The following XNDC1N variants were observed in gnomAD, a reference collection of about 807,000 sequenced individuals.
XNDC1N encodes the protein XRCC1 N-terminal domain containing 1, N-terminal like, also known as protein XNDC1N.
chr11:71,873,741 G>A, the XNDC1N span, among the ~76,000 whole-genome samples: 7 of 152,118 alleles, frequency 4.6e-5, no homozygotes, highest in Middle Eastern at 3.2e-3. Context: ...AAAAAATATC[G>A]GAGAAATATT....
the XNDC1N span, among the ~76,000 whole-genome samples, chr11:71,913,261 C>G: frequency 6.6e-6 from 1 of 151,976 alleles, no homozygotes; most frequent in Non-Finnish European, 1.5e-5. Flanking sequence ...AAACCCCCTG[C>G]GGTCCTGGGA....
At chr11:71,875,467 T>TA in the XNDC1N span, among the ~76,000 whole-genome samples, 4 of 152,252 alleles carry the variant, frequency 2.6e-5, no homozygotes, top group Non-Finnish European at 4.4e-5. Flanking sequence ...TGTCTACTCT[T>TA]ATACAGAGAA....
chr11:71,894,247 T>C, the XNDC1N span: 12 of 441,674 alleles, frequency 2.7e-5, no homozygotes, highest in African/African-American at 1.8e-4. Flanking sequence ...TGGCGTGTAC[T>C]TGACTTCAGC....
the XNDC1N span, among the ~76,000 whole-genome samples, chr11:71,895,485 T>A: frequency 6.9e-6 from 1 of 145,944 alleles, no homozygotes; most frequent in Non-Finnish European, 1.5e-5. Context: ...ATTTTTTTTT[T>A]TTTTTTTTTT....
the XNDC1N span, among the ~76,000 whole-genome samples, chr11:71,909,107 G>A: frequency 6.9e-6 from 1 of 145,428 alleles, no homozygotes; most frequent in Non-Finnish European, 1.5e-5. Context: ...ATCAGCACAT[G>A]ATTCACATGG....
chr11:71,903,652 T>TCC, the XNDC1N span: 4 of 64,266 alleles, frequency 6.2e-5, no homozygotes, highest in Admixed American at 5.9e-4. Flanking sequence ...TTTTTTTTCT[T>TCC]TTTTTTTTTT....
At chr11:71,905,528 G>T in the XNDC1N span, among the ~76,000 whole-genome samples, 1 of 151,974 alleles carries the variant, frequency 6.6e-6, no homozygotes, top group Non-Finnish European at 1.5e-5. Context: ...CACCCTCTGT[G>T]ATATTAGCAG....
At chr11:71,905,129 G>A in the XNDC1N span, among the ~76,000 whole-genome samples, 7 of 151,914 alleles carry the variant, frequency 4.6e-5, no homozygotes, top group African/African-American at 1.5e-4. Context: ...AATATCACAG[G>A]AGGTGTTCAC....
the XNDC1N span, among the ~76,000 whole-genome samples, chr11:71,885,262 G>A: frequency 1.3e-5 from 2 of 152,066 alleles, no homozygotes; most frequent in African/African-American, 2.4e-5. Context: ...ATCAGTGGGG[G>A]TGTGTCCACC....
chr11:71,908,900 AAG>A, the XNDC1N span, among the ~76,000 whole-genome samples: 3 of 152,158 alleles, frequency 2.0e-5, no homozygotes, highest in African/African-American at 7.2e-5. Flanking sequence ...ACCCACATGA[AAG>A]AGGGGATATG....
chr11:71,866,266 A>AG, the XNDC1N span, among the ~76,000 whole-genome samples: 28,344 of 151,556 alleles, frequency 0.19, 4,851 homozygotes, highest in African/African-American at 0.45. Context: ...TCCACGTTTT[A>AG]GGACATTTAA....
the XNDC1N span, among the ~76,000 whole-genome samples, chr11:71,886,666 T>C: frequency 5.9e-5 from 9 of 152,252 alleles, no homozygotes; most frequent in South Asian, 1.0e-3. Context: ...ATGGCTTTAG[T>C]CCGTCAAAGC....
the XNDC1N span, among the ~76,000 whole-genome samples, chr11:71,875,366 G>C: frequency 6.6e-6 from 1 of 151,994 alleles, no homozygotes; most frequent in Non-Finnish European, 1.5e-5. Context: ...TCTATTATCA[G>C]ATAATCTTAT....
chr11:71,909,327 C>T, the XNDC1N span, among the ~76,000 whole-genome samples: 1 of 151,038 alleles, frequency 6.6e-6, no homozygotes. Flanking sequence ...TCAGAGGGGC[C>T]CCCACAAAGA....
At chr11:71,896,924 T>G in the XNDC1N span, among the ~76,000 whole-genome samples, 1 of 152,214 alleles carries the variant, frequency 6.6e-6, no homozygotes, top group African/African-American at 2.4e-5. Flanking sequence ...CAGAAATAAC[T>G]TCTCACCTTT....
At chr11:71,900,687 T>C in the XNDC1N span, among the ~76,000 whole-genome samples, 5 of 152,184 alleles carry the variant, frequency 3.3e-5, no homozygotes, top group East Asian at 5.8e-4. Flanking sequence ...AAGAGGATGA[T>C]GACAGACACC....
At chr11:71,913,665 T>TCAAAA in the XNDC1N span, among the ~76,000 whole-genome samples, 1 of 105,346 alleles carries the variant, frequency 9.5e-6, no homozygotes, top group Non-Finnish European at 2.0e-5. Flanking sequence ...TCTCAAAAGA[T>TCAAAA]AAAAAAAAAA....
At chr11:71,905,511 G>A in the XNDC1N span, among the ~76,000 whole-genome samples, 1 of 151,946 alleles carries the variant, frequency 6.6e-6, no homozygotes, top group African/African-American at 2.4e-5. Context: ...TGATGTCACT[G>A]GGGGCACACC....
chr11:71,914,518 C>A, the XNDC1N span: 1 of 375,284 alleles, frequency 2.7e-6, no homozygotes, highest in South Asian at 2.0e-5. Flanking sequence ...GAAACCCCAT[C>A]TCTACTAAAA....
Sources: allele counts gnomAD v4.1 joint callset (sites outside exome capture counted in the v4.1 genomes callset), GRCh38; gene constraint gnomAD v4.1.1; transcripts MANE v1.5; gene names NCBI Gene and HGNC (gene_info 2026-07-23, HGNC 2026-07-21).